The following TRMT11 variants were observed in gnomAD, a reference collection of about 807,000 sequenced individuals.
TRMT11 encodes tRNA methyltransferase 11.
TRMT11 carries 53 observed loss-of-function variants against 62.8 expected under a neutral mutation model. That is an observed-to-expected ratio of 0.84 (90% CI 0.68 to 1.06). TRMT11 has a LOEUF of 1.06. Among genes scored for constraint, TRMT11 ranks in the 50% least tolerant of loss-of-function variants. TRMT11 has a pLI of 0.00. For synonymous variants in TRMT11, 188 were observed against 190.3 expected, an observed-to-expected ratio of 0.99 and a Z score of 0.10; for missense variants, 556 against 553.4, an observed-to-expected ratio of 1.00 and a Z score of -0.05.
chr6:126,081,982 T>A (rs559180003), intron 17 of TRMT11, among the ~76,000 whole-genome samples: 51 of 152,326 alleles, frequency 3.3e-4, no homozygotes, highest in Admixed American at 3.0e-3. Context: ...TCTGGCTTGC[T>A]ACTGGACCAC....
chr6:126,245,916 A>G, the TRMT11 span, among the ~76,000 whole-genome samples: 1 of 152,316 alleles, frequency 6.6e-6, no homozygotes, highest in East Asian at 1.9e-4. Context: ...TAGGCAACAT[A>G]TTGAGATCCC....
chr6:126,000,395 A>G (rs147425455), intron 7 of TRMT11, among the ~76,000 whole-genome samples: 2 of 152,262 alleles, frequency 1.3e-5, no homozygotes, highest in Admixed American at 1.3e-4. Flanking sequence ...GCTAACGTTT[A>G]TTGAATAGTA....
downstream of TRMT11, among the ~76,000 whole-genome samples, chr6:126,043,881 G>T (rs1403411144): frequency 2.0e-5 from 3 of 152,134 alleles, no homozygotes; most frequent in African/African-American, 7.2e-5. Flanking sequence ...CATATCCTTT[G>T]CCCACTTTTT....
chr6:126,270,902 C>T, the TRMT11 span, among the ~76,000 whole-genome samples: 1 of 152,122 alleles, frequency 6.6e-6, no homozygotes, highest in East Asian at 1.9e-4. Flanking sequence ...ATCATGTGTT[C>T]TTACTCTTCA....
chr6:126,147,496 C>G (rs969647700), intron 21 of TRMT11, among the ~76,000 whole-genome samples: 1 of 152,112 alleles, frequency 6.6e-6, no homozygotes, highest in African/African-American at 2.4e-5. Flanking sequence ...CATCAAATTG[C>G]TAAGGAAAAG....
At chr6:126,083,241 A>T (rs972583787) in intron 17 of TRMT11, among the ~76,000 whole-genome samples, 2 of 152,130 alleles carry the variant, frequency 1.3e-5, no homozygotes, top group Non-Finnish European at 2.9e-5. Context: ...GGCAACCTGA[A>T]GTGCCATCAT....
chr6:126,124,748 T>C (rs1030650494), intron 21 of TRMT11, among the ~76,000 whole-genome samples: 3 of 152,196 alleles, frequency 2.0e-5, no homozygotes, highest in Non-Finnish European at 2.9e-5. Context: ...TGTTCCAGCA[T>C]GTGAGCATGC....
chr6:126,126,690 C>A (rs1033033974), intron 21 of TRMT11, among the ~76,000 whole-genome samples: 9 of 152,098 alleles, frequency 5.9e-5, no homozygotes, highest in African/African-American at 2.2e-4. Flanking sequence ...CTTCTAGTCC[C>A]ATAAGCCTCT....
chr6:126,269,263 C>CAAAAAAAAAA, the TRMT11 span, among the ~76,000 whole-genome samples: 3 of 68,860 alleles, frequency 4.4e-5, no homozygotes, highest in African/African-American at 2.0e-4. Context: ...GACTCCGTCT[C>CAAAAAAAAAA]AAAAAAAAAA....
chr6:126,151,863 TTTCCTTCTTTCTCCTTCCTTCC>T (rs1778054336), intron 21 of TRMT11, among the ~76,000 whole-genome samples: 1 of 126,328 alleles, frequency 7.9e-6, no homozygotes, highest in African/African-American at 3.3e-5. Context: ...TCTTTCTTTC[TTTCCTTCTTTCTCCTTCCTTCC>T]TTGTCTTTTT....
At chr6:126,239,680 T>C in the TRMT11 span, among the ~76,000 whole-genome samples, 1 of 152,204 alleles carries the variant, frequency 6.6e-6, no homozygotes, top group Non-Finnish European at 1.5e-5. Flanking sequence ...CTGAGAATTA[T>C]GTGTCTTGGA....
the TRMT11 span, among the ~76,000 whole-genome samples, chr6:126,261,878 A>G: frequency 1.3e-5 from 2 of 152,020 alleles, no homozygotes. Context: ...CATTACTGGG[A>G]TAGCTGTGAG....
At chr6:126,228,365 C>A in the TRMT11 span, among the ~76,000 whole-genome samples, 13 of 152,164 alleles carry the variant, frequency 8.5e-5, no homozygotes, top group Non-Finnish European at 1.8e-4. Flanking sequence ...ATAGAAGAGA[C>A]CGTGTTAATA....
intron 21 of TRMT11, among the ~76,000 whole-genome samples, chr6:126,170,945 A>T (rs1438497834): frequency 6.6e-6 from 1 of 152,208 alleles, no homozygotes; most frequent in Non-Finnish European, 1.5e-5. Context: ...TCCTCAGGGC[A>T]GCTGATTCAG....
At chr6:126,120,315 CAT>C (rs1253524821) in intron 21 of TRMT11, among the ~76,000 whole-genome samples, 2 of 152,040 alleles carry the variant, frequency 1.3e-5, no homozygotes, top group Admixed American at 6.6e-5. Flanking sequence ...TGATCTCAAA[CAT>C]ATAAAATAGG....
intron 17 of TRMT11, among the ~76,000 whole-genome samples, chr6:126,075,850 A>T (rs1392544572): frequency 1.3e-5 from 2 of 152,120 alleles, no homozygotes; most frequent in African/African-American, 4.8e-5. Context: ...CATGGTTGCA[A>T]AGGAGAGGGA....
intron 12 of TRMT11, among the ~76,000 whole-genome samples, chr6:126,025,491 A>G (rs990236272): frequency 6.6e-6 from 1 of 152,216 alleles, no homozygotes; most frequent in Non-Finnish European, 1.5e-5. Context: ...TTCCCTATAT[A>G]AGATCAAATT....
intron 17 of TRMT11, among the ~76,000 whole-genome samples, chr6:126,084,961 A>T (rs1777198195): frequency 6.6e-6 from 1 of 152,184 alleles, no homozygotes; most frequent in Non-Finnish European, 1.5e-5. Flanking sequence ...GCCAAAAGGC[A>T]CACACTTTTG....
In TRMT11 at chr6:126,092,360, A is replaced by G. The variant is rs1583872568; in HGVS notation, c.*1438-20506A>G. On this transcript the variant is annotated intron_variant and NMD_transcript_variant, in intron 17 of 22. Coordinates refer to the TRMT11 transcript ENST00000648977. ...AGTCATGGTGGAAGGAGAAAGGCCT[A>G]TCTTACATGGTGGCAGGCAAGAGAG... is the stretch of plus-strand genomic sequence containing the variant. Among the ~76,000 whole-genome samples, 3 of 152,176 alleles carry G rather than the reference A, an allele frequency of 2.0e-5. 1 individual carries two copies. The South Asian group carries it at 6.2e-4, about 32-fold the overall frequency.
Sources: allele counts gnomAD v4.1 joint callset (sites outside exome capture counted in the v4.1 genomes callset), GRCh38; gene constraint gnomAD v4.1.1; transcripts MANE v1.5; gene names NCBI Gene and HGNC (gene_info 2026-07-23, HGNC 2026-07-21).